The following ZMIZ1 variants were observed in gnomAD, a reference collection of about 807,000 sequenced individuals.
The protein encoded by ZMIZ1 is zinc finger MIZ domain-containing protein 1.
A neutral mutation model predicts 113.9 loss-of-function variants in ZMIZ1; 17 were observed. The observed-to-expected ratio is 0.15, with a 90% CI of 0.10 to 0.22. The LOEUF (loss-of-function observed/expected upper bound fraction) is 0.22, where lower values mean the gene tolerates loss of function less well. ZMIZ1 is among the 10% of genes least tolerant of loss of function. The probability of loss-of-function intolerance (pLI) is 1.00; values close to 1 mark genes in which losing one functional copy is unlikely to be tolerated. For synonymous variants in ZMIZ1, 607 were observed against 603.1 expected (o/e 1.01, Z -0.09); for missense variants, 1,059 against 1,477.8 (o/e 0.72, Z 4.65).
rs1412384965 is a variant in ZMIZ1, at chr10:79,314,172, A to G, written c.*1423A>G. On this transcript the variant is annotated 3_prime_UTR_variant, in exon 25 of 25. Transcript: ENST00000334512. ...ACCGCTTTGCTCCATCTGGCTTACC[A>G]CTCTCCAGGGCCTCCTGGGGAGCCT... 1 of 456,412 alleles carries G rather than the reference A, an allele frequency of 2.2e-6. No homozygotes were observed. Among genetic ancestry groups the G allele is most frequent in the Admixed American group, 2.3e-5 (1 of 42,554 alleles). 28.3% of individuals were successfully genotyped at this position (456,412 alleles called of 1,614,324 possible).
chr10:79,315,754 C>T lies in ZMIZ1; in HGVS notation c.*3005C>T, dbSNP rs1263967746. ...CAGGGCCGTGTCAACAGCAGCGACT[C>T]AAGGGACGTGTGTACATATGTAAAT... On this transcript the variant is annotated 3_prime_UTR_variant, in exon 25 of 25. Coordinates refer to ENST00000334512, the MANE Select transcript of ZMIZ1 (RefSeq NM_020338.4). 1 of 152,750 alleles carries T rather than the reference C, an allele frequency of 6.5e-6. No individual in the cohort carries two copies. The highest frequency in any genetic ancestry group is 1.5e-5 in the Non-Finnish European group (1 of 68,050). 9.5% of individuals were successfully genotyped at this position (152,750 alleles called of 1,614,324 possible).
At chr10:79,184,961 TGA>T (rs1410165886) in intron 4 of ZMIZ1, among the ~76,000 whole-genome samples, 1 of 152,202 alleles carries the variant, frequency 6.6e-6, no homozygotes, top group African/African-American at 2.4e-5. Context: ...TGCAAAGTGA[TGA>T]ATCTAGGGAT....
At chr10:79,305,059 C>A in intron 19 of ZMIZ1, 105 bp from the exon 20 acceptor site, 1 of 1,313,166 alleles carries the variant, frequency 7.6e-7, no homozygotes, top group Non-Finnish European at 1.1e-6. Flanking sequence ...TCTCCCACAG[C>A]CTATCTTTCT....
intron 2 of ZMIZ1, among the ~76,000 whole-genome samples, chr10:79,127,056 T>C (rs957147916): frequency 1.3e-5 from 2 of 152,168 alleles, no homozygotes; most frequent in East Asian, 1.9e-4. Flanking sequence ...GCGCCTCCCT[T>C]CTCTTTGCTG....
intron 7 of ZMIZ1, among the ~76,000 whole-genome samples, chr10:79,252,759 GC>G (rs1850631768): frequency 6.6e-6 from 1 of 152,122 alleles, no homozygotes. Context: ...CTGGATGCAC[GC>G]CCCCCTGCCC....
chr10:79,147,627 G>A (rs562878641), intron 3 of ZMIZ1, among the ~76,000 whole-genome samples: 1 of 152,304 alleles, frequency 6.6e-6, no homozygotes, highest in East Asian at 1.9e-4. Context: ...CCCATTGGAT[G>A]GGCAGCATCA....
Position 79,277,320 on chromosome 10 carries a change from G to T in ZMIZ1, c.420G>T (p.Ser140=), listed in dbSNP as rs146847565. The T allele has an allele frequency of 4.5e-5, 72 of 1,594,264 alleles. No homozygotes were observed. The highest frequency in any genetic ancestry group is 5.7e-5 in the Non-Finnish European group (67 of 1,170,932). The change falls in exon 8 of 25, where the codon TCG becomes TCT. Residue 140 remains serine (S), a synonymous_variant. Coordinates refer to ENST00000334512, the MANE Select transcript of ZMIZ1 (RefSeq NM_020338.4). ...TGAGCTCCATGAAACCCACTCTGTC[G>T]CACAGGTAAGTGGGTGGGTGCCATG... ...SSMSSMKPTL[S]HSDGSFPYDS...
rs2132053304 is a variant in ZMIZ1 at position 79,297,659 on chromosome 10, A to G, written c.1460A>G (p.Tyr487Cys). The G allele has an allele frequency of 6.2e-7, 1 of 1,614,144 alleles. No individual in the cohort carries two copies. The highest frequency in any genetic ancestry group is 8.5e-7 in the Non-Finnish European group (1 of 1,179,976). Residue 487 changes from tyrosine to cysteine, a missense_variant, in exon 14 of 25, where the codon TAC becomes TGC. This residue lies in a region of ZMIZ1 where 239 missense variants were observed against 247.5 expected (regional missense o/e 0.97). Transcript: ENST00000334512. ...GQNNTFSGSS[Y>C]SNYSQGNVNR... Reference sequence around the variant, plus strand: ...AATAACACGTTCTCGGGAAGCAGCTACAGTAACTACAGCCAAGGGAATGTC... The same window carrying G: ...AATAACACGTTCTCGGGAAGCAGCTGCAGTAACTACAGCCAAGGGAATGTC...
At chr10:79,165,150 C>G (rs1472252884) in intron 4 of ZMIZ1, among the ~76,000 whole-genome samples, 1 of 152,160 alleles carries the variant, frequency 6.6e-6, no homozygotes, top group African/African-American at 2.4e-5. Flanking sequence ...GCTGGTCTGT[C>G]TGGTGTAACC....
chr10:79,122,280 T>C (rs1844325120), intron 2 of ZMIZ1, among the ~76,000 whole-genome samples: 1 of 152,154 alleles, frequency 6.6e-6, no homozygotes, highest in African/African-American at 2.4e-5. Context: ...TGCCAGCATC[T>C]AGCTTATCCC....
At chr10:79,265,865 T>G (rs1355721395) in intron 7 of ZMIZ1, among the ~76,000 whole-genome samples, 2 of 152,170 alleles carry the variant, frequency 1.3e-5, no homozygotes, top group African/African-American at 4.8e-5. Context: ...CCTCAGCGAA[T>G]CCACTCTACT....
At chr10:79,116,668 C>T (rs1468577294) in intron 1 of ZMIZ1, among the ~76,000 whole-genome samples, 3 of 152,198 alleles carry the variant, frequency 2.0e-5, no homozygotes, top group Non-Finnish European at 4.4e-5. Flanking sequence ...AAAGATTTGT[C>T]TTTAGTTCCA....
chr10:79,148,261 G>A (rs1845573500), intron 3 of ZMIZ1, among the ~76,000 whole-genome samples: 1 of 152,238 alleles, frequency 6.6e-6, no homozygotes, highest in Non-Finnish European at 1.5e-5. Flanking sequence ...ATTCCAGGGT[G>A]GGCCCAGGGC....
chr10:79,171,862 G>C (rs1260525930), intron 4 of ZMIZ1, among the ~76,000 whole-genome samples: 1 of 152,182 alleles, frequency 6.6e-6, no homozygotes, highest in South Asian at 2.1e-4. Flanking sequence ...CCTGCGACAG[G>C]AAGGCCCAGC....
chr10:79,184,746 G>C (rs973201191), intron 4 of ZMIZ1, among the ~76,000 whole-genome samples: 7 of 152,228 alleles, frequency 4.6e-5, no homozygotes, highest in African/African-American at 1.7e-4. Context: ...GATGAGTTTA[G>C]AAATCCCAGC....
intron 21 of ZMIZ1, 50 bp from the exon 22 acceptor site, chr10:79,306,050 C>T (rs1854669508): frequency 6.3e-7 from 1 of 1,583,906 alleles, no homozygotes. Context: ...GCTTTTATGC[C>T]CAAAGCCAGG....
intron 3 of ZMIZ1, among the ~76,000 whole-genome samples, chr10:79,147,284 G>A (rs776040664): frequency 6.6e-6 from 1 of 152,204 alleles, no homozygotes; most frequent in Non-Finnish European, 1.5e-5. Context: ...GTCAAGAAAA[G>A]GCACAGAGCT....
intron 2 of ZMIZ1, among the ~76,000 whole-genome samples, chr10:79,126,056 C>T (rs528454966): frequency 7.9e-5 from 12 of 152,300 alleles, no homozygotes; most frequent in African/African-American, 1.9e-4. Context: ...GAGAGCTGCA[C>T]GGGAACCCGC....
intron 4 of ZMIZ1, among the ~76,000 whole-genome samples, chr10:79,163,817 C>T (rs2132501828): frequency 6.6e-6 from 1 of 152,338 alleles, no homozygotes; most frequent in Non-Finnish European, 1.5e-5. Flanking sequence ...AGGCTGGTGG[C>T]CTGCCTCTCC....
Sources: allele counts gnomAD v4.1 joint callset (sites outside exome capture counted in the v4.1 genomes callset), GRCh38; gene constraint gnomAD v4.1.1; regional missense constraint gnomAD v4.1.1; transcripts MANE v1.5; gene names NCBI Gene and HGNC (gene_info 2026-07-23, HGNC 2026-07-21).